UGP2: variants seen among roughly 807,000 people sequenced by gnomAD.
The protein encoded by UGP2 is UDP-glucose pyrophosphorylase 2.
Under a neutral mutation model 49.0 loss-of-function variants are expected in UGP2, and 40 were observed. The observed-to-expected ratio is 0.82, with a 90% CI of 0.63 to 1.06. The LOEUF is 1.06. Among genes scored for constraint, UGP2 ranks in the 50% least tolerant of loss-of-function variants. UGP2 has a pLI of 0.00. For synonymous variants in UGP2, 225 were observed against 213.0 expected (o/e 1.06, Z -0.49); for missense variants, 460 against 603.5 (o/e 0.76, Z 2.49).
chr2:63,867,173 T>C (rs930958065), intron 3 of UGP2, among the ~76,000 whole-genome samples: 13 of 152,240 alleles, frequency 8.5e-5, no homozygotes, highest in Admixed American at 3.3e-4. Flanking sequence ...TCAAGCTCTA[T>C]GTAAATCACT....
At chr2:63,845,035 A>C (rs997980402) in intron 1 of UGP2, among the ~76,000 whole-genome samples, 1 of 152,244 alleles carries the variant, frequency 6.6e-6, no homozygotes, top group African/African-American at 2.4e-5. Flanking sequence ...TAAGTGGACG[A>C]TACTCTAAAT....
intron 1 of UGP2, among the ~76,000 whole-genome samples, chr2:63,848,651 T>C (rs1668831855): frequency 6.6e-6 from 1 of 152,218 alleles, no homozygotes; most frequent in African/African-American, 2.4e-5. Context: ...TGTGAGCCAC[T>C]GCGCCCAGCC....
At chr2:63,883,721 C>T (rs1042955661) in intron 4 of UGP2, among the ~76,000 whole-genome samples, 6 of 152,100 alleles carry the variant, frequency 3.9e-5, no homozygotes, top group African/African-American at 7.2e-5. Flanking sequence ...TTTAGACATC[C>T]GTAAAATGCA....
chr2:63,879,129 T>A (rs1671125151), intron 3 of UGP2, among the ~76,000 whole-genome samples: 1 of 152,190 alleles, frequency 6.6e-6, no homozygotes, highest in Admixed American at 6.5e-5. Context: ...TGAATGTTAG[T>A]ATACCAAACA....
At chr2:63,852,413 G>A (rs1344099989) in intron 1 of UGP2, among the ~76,000 whole-genome samples, 1 of 152,228 alleles carries the variant, frequency 6.6e-6, no homozygotes, top group Non-Finnish European at 1.5e-5. Context: ...TATTCTAGAT[G>A]TCCCAAATGG....
chr2:63,859,274 C>T (rs1464467167), intron 3 of UGP2: 3 of 152,128 alleles, frequency 2.0e-5, no homozygotes, highest in Admixed American at 6.5e-5. Context: ...GGATTACAGA[C>T]ATGAACCACT....
chr2:63,854,143 A>G (rs1489637028), intron 1 of UGP2, among the ~76,000 whole-genome samples: 1 of 152,204 alleles, frequency 6.6e-6, no homozygotes, highest in African/African-American at 2.4e-5. Flanking sequence ...GGGCTCCACC[A>G]TTGGCCTGCT....
intron 3 of UGP2, among the ~76,000 whole-genome samples, chr2:63,864,525 T>C (rs114030823): frequency 6.6e-6 from 1 of 152,348 alleles, no homozygotes; most frequent in Non-Finnish European, 1.5e-5. Flanking sequence ...CTCTAGGAGC[T>C]CACTGTTATC....
At chr2:63,863,205 G>C (rs573631301) in intron 3 of UGP2, among the ~76,000 whole-genome samples, 1 of 152,178 alleles carries the variant, frequency 6.6e-6, no homozygotes, top group South Asian at 2.1e-4. Flanking sequence ...AAAATACTCA[G>C]AAGTCTTTGA....
Position 63,886,003 on chromosome 2 carries a change from G to T in UGP2, c.873+117G>T, listed in dbSNP as rs897108776. 2.8e-5 allele frequency: 33 copies of T among 1,169,758 alleles called. No individual in the cohort carries two copies. The South Asian group carries it at 5.7e-4, about 20-fold the overall frequency. The allele number at this position is 1,169,758 out of a possible 1,614,324, so 72.5% of individuals were successfully genotyped here. On this transcript the variant is annotated intron_variant, in intron 6 of 9. Transcript: ENST00000337130. ...TTAAACAACACATTTAATATGTTCT[G>T]TTTGACATAATAGTATGTATCATAA... is the stretch of plus-strand genomic sequence containing the variant.
chr2:63,884,959 T>G (rs1028737931), intron 5 of UGP2, among the ~76,000 whole-genome samples: 4 of 150,834 alleles, frequency 2.7e-5, no homozygotes, highest in African/African-American at 7.3e-5. Flanking sequence ...CATTAGTTTG[T>G]TTGGTTGTTT....
At chr2:63,850,299 T>C (rs1344681945) in intron 1 of UGP2, among the ~76,000 whole-genome samples, 1 of 152,206 alleles carries the variant, frequency 6.6e-6, no homozygotes, top group East Asian at 1.9e-4. Context: ...AAGCCTGATA[T>C]CCTTTTATTT....
In UGP2 at chr2:63,891,489, AACTTTTAACAGAAGCCTCAATGATGATC is replaced by A. The variant is rs1177330801; in HGVS notation, c.*268_*295del. 7.4e-6 allele frequency: 2 copies of A among 271,158 alleles called. No individual in the cohort carries two copies. Among genetic ancestry groups the A allele is most frequent in the African/African-American group, 4.4e-5 (2 of 45,074 alleles). 16.8% of individuals were successfully genotyped at this position (271,158 alleles called of 1,614,324 possible). A position where few individuals can be genotyped will look rare whatever the true frequency, so the allele number is the denominator to read the frequency against. ...TCTTAAAACTGGGCAACTTTGGAAG[AACTTTTAACAGAAGCCTCAATGATGATC>A]ACTTTGAATTGCTTGTGATTTCAAA... is the stretch of plus-strand genomic sequence containing the variant. On this transcript the variant is annotated 3_prime_UTR_variant, in exon 10 of 10. Coordinates refer to ENST00000337130, the MANE Select transcript of UGP2 (RefSeq NM_006759.4).
intron 3 of UGP2, among the ~76,000 whole-genome samples, chr2:63,867,598 A>G (rs1670266916): frequency 6.6e-6 from 1 of 152,316 alleles, no homozygotes; most frequent in Admixed American, 6.5e-5. Flanking sequence ...AATGGAATTA[A>G]GAGTCTAGAT....
At chr2:63,860,503 TC>T (rs1489228576) in intron 3 of UGP2, among the ~76,000 whole-genome samples, 1 of 152,244 alleles carries the variant, frequency 6.6e-6, no homozygotes, top group Admixed American at 6.5e-5. Flanking sequence ...TTTCAGAACA[TC>T]TTTGGTAGCT....
In UGP2 at chr2:63,857,845, T is replaced by A; in HGVS notation, c.164T>A (p.Leu55Gln). ...TTTTCACAGCACACCAAAAAAGACC[T>A]GGATGGATTTCGGAAGCTATTTCAT... ...SHEFEHTKKD[L>Q]DGFRKLFHRF... The change falls in exon 3 of 10, where the codon CTG (leucine) becomes CAG (glutamine). Residue 55 changes from leucine (L) to glutamine (Q), a missense_variant. Physicochemically the swap from Leu to Gln is moderately radical, Grantham distance 113 (BLOSUM62 -2). Coordinates refer to ENST00000337130, the MANE Select transcript of UGP2 (RefSeq NM_006759.4). The A allele has an allele frequency of 6.2e-7, 1 of 1,614,026 alleles. No homozygotes were observed.
intron 1 of UGP2, among the ~76,000 whole-genome samples, chr2:63,843,420 C>T (rs1027302496): frequency 7.2e-5 from 11 of 152,138 alleles, no homozygotes; most frequent in Admixed American, 3.3e-4. Flanking sequence ...CTGTTAGAAA[C>T]GTACTGGTTT....
At chr2:63,869,510 T>C (rs1207325348) in intron 3 of UGP2, among the ~76,000 whole-genome samples, 1 of 152,226 alleles carries the variant, frequency 6.6e-6, no homozygotes, top group Non-Finnish European at 1.5e-5. Context: ...GATTTTGAAT[T>C]GCTATGATGC....
In UGP2 at chr2:63,887,389, T is replaced by C. The variant is rs980660953; in HGVS notation, c.1072-13T>C. 1 of 1,613,812 alleles carries C rather than the reference T, an allele frequency of 6.2e-7. No homozygotes were observed. The highest frequency in any genetic ancestry group is 1.7e-5 in the Admixed American group (1 of 59,966). ...ACCTCTGTTTTCTATTCCCCACCCC[T>C]AATTTCTTACAGACTTTGGATGGAG... is the stretch of plus-strand genomic sequence containing the variant. On this transcript the variant is annotated splice_polypyrimidine_tract_variant and intron_variant, in intron 7 of 9. Transcript: ENST00000337130.
Sources: allele counts gnomAD v4.1 joint callset (sites outside exome capture counted in the v4.1 genomes callset), GRCh38; gene constraint gnomAD v4.1.1; transcripts MANE v1.5; gene names NCBI Gene and HGNC (gene_info 2026-07-23, HGNC 2026-07-21).